CSMD1: variants seen among roughly 807,000 people sequenced by gnomAD.
CSMD1 encodes the protein CUB and Sushi multiple domains 1.
Under a neutral mutation model 417.5 loss-of-function variants are expected in CSMD1, and 213 were observed. The ratio of observed to expected loss-of-function variants is 0.51; its 90% confidence interval spans 0.46 to 0.57. CSMD1 has a LOEUF of 0.57. CSMD1 is among the 20% of genes least tolerant of loss of function. CSMD1 has a pLI of 0.00. For missense variants in CSMD1, 6,923 were observed against 4,529.7 expected (o/e 1.53, Z -15.17); for synonymous variants, 2,862 against 1,736.8 (o/e 1.65, Z -16.11).
At chr8:4,728,501 G>A (rs1563234455) in intron 1 of CSMD1, among the ~76,000 whole-genome samples, 1 of 152,134 alleles carries the variant, frequency 6.6e-6, no homozygotes, top group Non-Finnish European at 1.5e-5. Context: ...GGTTCTCAGC[G>A]ACTATTTACT....
intron 3 of CSMD1, among the ~76,000 whole-genome samples, chr8:4,399,466 T>C (rs1177281565): frequency 2.6e-5 from 4 of 152,236 alleles, no homozygotes; most frequent in East Asian, 3.9e-4. Context: ...ATGATTTTAC[T>C]GGCTTTTCCT....
intron 3 of CSMD1, among the ~76,000 whole-genome samples, chr8:4,125,173 C>T (rs1414600437): frequency 1.3e-5 from 2 of 152,066 alleles, no homozygotes; most frequent in Non-Finnish European, 2.9e-5. Flanking sequence ...AGGAAGATAA[C>T]TCTTGGGGCC....
intron 7 of CSMD1, among the ~76,000 whole-genome samples, chr8:3,621,824 G>C (rs567423788): frequency 6.6e-6 from 1 of 151,822 alleles, no homozygotes; most frequent in South Asian, 2.1e-4. Flanking sequence ...GCCCAGGCTG[G>C]TCTCAAACTC....
chr8:4,521,569 C>T (rs898491577), intron 2 of CSMD1, among the ~76,000 whole-genome samples: 2 of 152,072 alleles, frequency 1.3e-5, no homozygotes, highest in African/African-American at 2.4e-5. Flanking sequence ...TAGAGTAATG[C>T]TTTTTATTTC....
At chr8:2,970,266 C>A (rs958978660) in intron 57 of CSMD1, among the ~76,000 whole-genome samples, 6 of 152,148 alleles carry the variant, frequency 3.9e-5, no homozygotes, top group Non-Finnish European at 7.4e-5. Flanking sequence ...CCACCCTCAA[C>A]TGTTATAATT....
At chr8:3,908,354 T>C (rs1808245107) in intron 5 of CSMD1, among the ~76,000 whole-genome samples, 1 of 152,234 alleles carries the variant, frequency 6.6e-6, no homozygotes, top group Non-Finnish European at 1.5e-5. Flanking sequence ...TTTTATGCTA[T>C]TAATCATTAT....
intron 3 of CSMD1, among the ~76,000 whole-genome samples, chr8:4,115,484 A>T (rs1180692707): frequency 1.3e-5 from 2 of 152,096 alleles, no homozygotes; most frequent in East Asian, 3.9e-4. Context: ...CTTTAGACGT[A>T]TTTTTTTACA....
chr8:3,004,310 C>A (rs914173236), intron 52 of CSMD1, among the ~76,000 whole-genome samples: 6 of 152,126 alleles, frequency 3.9e-5, no homozygotes, highest in Admixed American at 3.9e-4. Context: ...CTCCAACAGG[C>A]AATTGTGTAG....
At chr8:3,834,982 G>T (rs894230337) in intron 5 of CSMD1, among the ~76,000 whole-genome samples, 1 of 152,010 alleles carries the variant, frequency 6.6e-6, no homozygotes, top group African/African-American at 2.4e-5. Context: ...CATCATCACT[G>T]GCCATCAGAG....
chr8:3,016,076 T>C (rs1808800518), intron 52 of CSMD1, among the ~76,000 whole-genome samples: 1 of 152,224 alleles, frequency 6.6e-6, no homozygotes, highest in African/African-American at 2.4e-5. Context: ...CTCTATGCTT[T>C]CTTTCTTATC....
intron 5 of CSMD1, among the ~76,000 whole-genome samples, chr8:3,843,849 C>T (rs7819599): frequency 0.79 from 120,010 of 152,140 alleles, 47,602 homozygotes; most frequent in African/African-American, 0.86. Context: ...AATGTACCTT[C>T]GAAAGTAAAG....
rs537345038 is a variant in CSMD1 at position 3,735,795 on chromosome 8, C to T, written c.931+18135G>A. 2.6e-5 allele frequency among the ~76,000 whole-genome samples: 4 copies of T among 152,336 alleles called. No homozygotes were observed. The South Asian group carries it at 6.2e-4, about 24-fold the overall frequency. On this transcript the variant is annotated intron_variant, in intron 6 of 69. Transcript: ENST00000635120. The stretch of plus-strand genomic sequence containing the variant: ...GATACCACACATGCTCCTTGCTAAT[C>T]TGGCCAATTACACTTTCTATCAGTA...
intron 8 of CSMD1, among the ~76,000 whole-genome samples, chr8:3,612,995 AT>A (rs1333682780): frequency 1.9e-4 from 29 of 151,992 alleles, no homozygotes; most frequent in Non-Finnish European, 2.4e-4. Context: ...AGTAAATTGT[AT>A]TTTTTTGAGA....
intron 3 of CSMD1, among the ~76,000 whole-genome samples, chr8:4,157,806 G>A (rs1349915920): frequency 1.3e-5 from 2 of 152,156 alleles, no homozygotes; most frequent in Admixed American, 6.5e-5. Context: ...CCAGGGCCTT[G>A]GTCCAGCTTT....
intron 5 of CSMD1, among the ~76,000 whole-genome samples, chr8:3,843,945 G>C (rs555487149): frequency 1.3e-5 from 2 of 152,146 alleles, no homozygotes; most frequent in Non-Finnish European, 2.9e-5. Flanking sequence ...GGTTATCTGA[G>C]AACAATGATG....
chr8:4,031,872 A>G, intron 4 of CSMD1, 33 bp downstream of exon 4: 4 of 1,549,038 alleles, frequency 2.6e-6, no homozygotes, highest in Non-Finnish European at 3.5e-6. Context: ...CCTGCCCTGG[A>G]GTCTGCTCAC....
intron 2 of CSMD1, among the ~76,000 whole-genome samples, chr8:4,530,943 G>A (rs1214537171): frequency 6.6e-6 from 1 of 151,892 alleles, no homozygotes; most frequent in Non-Finnish European, 1.5e-5. Flanking sequence ...CACACAAAAA[G>A]ACAGACCTAG....
At chr8:4,036,956 GGTGTGTGTGTGTGT>G (rs57139782) in intron 3 of CSMD1, among the ~76,000 whole-genome samples, 101 of 146,032 alleles carry the variant, frequency 6.9e-4, no homozygotes, top group African/African-American at 2.1e-3. Context: ...GTGAGTGTGG[GGTGTGTGTGTGTGT>G]GTGTGTGTGT....
At chr8:4,775,363 A>G (rs1219477969) in intron 1 of CSMD1, among the ~76,000 whole-genome samples, 4 of 152,190 alleles carry the variant, frequency 2.6e-5, no homozygotes, top group African/African-American at 7.2e-5. Context: ...TTTTTATAGA[A>G]AAGTGTTATT....
Sources: allele counts gnomAD v4.1 joint callset (sites outside exome capture counted in the v4.1 genomes callset), GRCh38; gene constraint gnomAD v4.1.1; transcripts MANE v1.5; gene names NCBI Gene and HGNC (gene_info 2026-07-23, HGNC 2026-07-21).